Variants in RAB38 observed in about 807,000 individuals in gnomAD.
RAB38 encodes ras-related protein Rab-38.
A neutral mutation model predicts 18.4 loss-of-function variants in RAB38; 15 were observed. That is an observed-to-expected ratio of 0.82 (90% confidence interval 0.55 to 1.26). The LOEUF is 1.26. Ranked by LOEUF, RAB38 falls within the 50% of genes most tolerant of loss-of-function variation. The probability of loss-of-function intolerance (pLI) is 0.00; values close to 1 mark genes in which losing one functional copy is unlikely to be tolerated. For missense variants in RAB38, 294 were observed against 267.4 expected (o/e 1.10, Z -0.69); for synonymous variants, 101 against 104.4 (o/e 0.97, Z 0.20).
chr11:87,941,497 T>A, the RAB38 span, among the ~76,000 whole-genome samples: 3 of 151,966 alleles, frequency 2.0e-5, no homozygotes, highest in African/African-American at 7.2e-5. Flanking sequence ...GGTATGATTT[T>A]ACTAAAATTA....
chr11:87,951,687 C>G, the RAB38 span, among the ~76,000 whole-genome samples: 1 of 152,192 alleles, frequency 6.6e-6, no homozygotes, highest in African/African-American at 2.4e-5. Flanking sequence ...GCCTGGGTAT[C>G]AGCAGCGGAG....
chr11:88,132,969 C>T (rs1014258278), intron 2 of RAB38, among the ~76,000 whole-genome samples: 2 of 152,144 alleles, frequency 1.3e-5, no homozygotes, highest in Non-Finnish European at 2.9e-5. Flanking sequence ...TACAACATGT[C>T]TCTAACAGTT....
At chr11:88,036,906 C>T in the RAB38 span, among the ~76,000 whole-genome samples, 5 of 151,964 alleles carry the variant, frequency 3.3e-5, no homozygotes, top group African/African-American at 1.2e-4. Flanking sequence ...TTTGCAAATA[C>T]TTAGGATTCT....
chr11:87,930,149 C>T, the RAB38 span, among the ~76,000 whole-genome samples: 1 of 152,028 alleles, frequency 6.6e-6, no homozygotes, highest in Non-Finnish European at 1.5e-5. Context: ...CACTGACTTC[C>T]ACAATGGTTG....
At chr11:88,068,145 ATGAAGGACTAAAGT>A in the RAB38 span, among the ~76,000 whole-genome samples, 1 of 151,992 alleles carries the variant, frequency 6.6e-6, no homozygotes, top group Admixed American at 6.6e-5. Flanking sequence ...AAAAGATGTG[ATGAAGGACTAAAGT>A]TGAAAAACAT....
At chr11:88,034,253 G>T in the RAB38 span, among the ~76,000 whole-genome samples, 1 of 152,048 alleles carries the variant, frequency 6.6e-6, no homozygotes, top group Non-Finnish European at 1.5e-5. Context: ...TTAGCCATTT[G>T]CCCATTGACA....
At chr11:87,852,773 C>A in the RAB38 span, among the ~76,000 whole-genome samples, 1 of 152,178 alleles carries the variant, frequency 6.6e-6, no homozygotes, top group Non-Finnish European at 1.5e-5. Flanking sequence ...TACAACAACA[C>A]AGAACACAAT....
chr11:88,058,754 C>G, the RAB38 span, among the ~76,000 whole-genome samples: 1 of 152,122 alleles, frequency 6.6e-6, no homozygotes, highest in Admixed American at 6.6e-5. Flanking sequence ...CTGTTAGGCC[C>G]CAGAGAAATG....
the RAB38 span, among the ~76,000 whole-genome samples, chr11:87,957,321 G>C: frequency 6.6e-6 from 1 of 151,960 alleles, no homozygotes; most frequent in East Asian, 1.9e-4. Flanking sequence ...CCCCATAGGG[G>C]CAATAAGGTA....
At chr11:87,877,976 CTT>C in the RAB38 span, among the ~76,000 whole-genome samples, 1 of 151,088 alleles carries the variant, frequency 6.6e-6, no homozygotes, top group African/African-American at 2.4e-5. Context: ...GCGTGCCTGA[CTT>C]ATCCTTGTAA....
chr11:88,076,652 A>G, the RAB38 span, among the ~76,000 whole-genome samples: 1 of 152,236 alleles, frequency 6.6e-6, no homozygotes, highest in South Asian at 2.1e-4. Context: ...TTCTATTTAT[A>G]ATAGCTATAA....
chr11:87,880,736 T>C, the RAB38 span, among the ~76,000 whole-genome samples: 1,819 of 151,962 alleles, frequency 0.012, 37 homozygotes, highest in African/African-American at 0.041. Context: ...AAACTACTTT[T>C]CTGTTTAATC....
chr11:87,911,411 C>T, the RAB38 span, among the ~76,000 whole-genome samples: 1 of 152,034 alleles, frequency 6.6e-6, no homozygotes, highest in Non-Finnish European at 1.5e-5. Context: ...GATCATGATA[C>T]ATAGCATCAT....
chr11:87,939,552 A>G, the RAB38 span, among the ~76,000 whole-genome samples: 1 of 152,038 alleles, frequency 6.6e-6, no homozygotes, highest in Non-Finnish European at 1.5e-5. Flanking sequence ...CAGAATTAAA[A>G]TGATCTTAAA....
chr11:88,150,203 C>T (rs1437036433), intron 1 of RAB38, among the ~76,000 whole-genome samples: 1 of 152,136 alleles, frequency 6.6e-6, no homozygotes, highest in Non-Finnish European at 1.5e-5. Flanking sequence ...TATTCTAGAC[C>T]TATGCAAATA....
the RAB38 span, among the ~76,000 whole-genome samples, chr11:87,952,047 G>A: frequency 2.6e-5 from 4 of 152,110 alleles, no homozygotes; most frequent in African/African-American, 9.7e-5. Context: ...GAGTCAATTT[G>A]GGGAGCTGAG....
chr11:87,940,866 A>C, the RAB38 span, among the ~76,000 whole-genome samples: 1 of 151,918 alleles, frequency 6.6e-6, no homozygotes, highest in Admixed American at 6.6e-5. Context: ...TCCTGACCTC[A>C]AGTGATTCTC....
At chr11:87,840,789 C>T in the RAB38 span, among the ~76,000 whole-genome samples, 1 of 152,096 alleles carries the variant, frequency 6.6e-6, no homozygotes, top group Non-Finnish European at 1.5e-5. Context: ...TATAGACACA[C>T]CTCTATATAG....
chr11:87,936,906 T>C, the RAB38 span, among the ~76,000 whole-genome samples: 20 of 152,210 alleles, frequency 1.3e-4, no homozygotes, highest in African/African-American at 4.3e-4. Flanking sequence ...AATTTCTATG[T>C]ATACAACCAT....
Sources: gnomAD v4.1 joint callset for allele counts (sites outside exome capture counted in the v4.1 genomes callset) on GRCh38, gnomAD v4.1.1 for gene constraint, MANE v1.5 for transcripts, NCBI Gene and HGNC (gene_info 2026-07-23, HGNC 2026-07-21) for gene names.